Variants in RIT2 observed in about 807,000 individuals in gnomAD.
RIT2 encodes Ras like without CAAX 2.
A neutral mutation model predicts 23.7 loss-of-function variants in RIT2; 24 were observed. That is an observed-to-expected ratio of 1.01 (90% CI 0.73 to 1.43). RIT2 has a LOEUF of 1.43. RIT2 is among the 40% of genes most tolerant of loss of function. The pLI, the probability that RIT2 is intolerant of heterozygous loss-of-function variation, is 0.00. For missense variants in RIT2, 236 were observed against 266.9 expected, an observed-to-expected ratio of 0.88 and a Z score of 0.81; for synonymous variants, 107 against 91.1, an observed-to-expected ratio of 1.17 and a Z score of -0.99.
chr18:42,875,859 C>G (rs1448818257), intron 4 of RIT2, among the ~76,000 whole-genome samples: 1 of 151,928 alleles, frequency 6.6e-6, no homozygotes, highest in Non-Finnish European at 1.5e-5. Context: ...CATTGACTGG[C>G]TCAGCTATTT....
At chr18:43,103,669 A>G (rs1299525777) in intron 1 of RIT2, among the ~76,000 whole-genome samples, 1 of 152,214 alleles carries the variant, frequency 6.6e-6, no homozygotes, top group Non-Finnish European at 1.5e-5. Flanking sequence ...AAAGGAGGAG[A>G]GAGCTTATTT....
chr18:42,778,594 A>G (rs779355279), intron 4 of RIT2, among the ~76,000 whole-genome samples: 4 of 152,152 alleles, frequency 2.6e-5, no homozygotes, highest in Non-Finnish European at 4.4e-5. Flanking sequence ...AAGTCATTCT[A>G]TTGTTCACAG....
chr18:42,940,807 T>G (rs1246749989), intron 3 of RIT2, among the ~76,000 whole-genome samples: 1 of 152,168 alleles, frequency 6.6e-6, no homozygotes, highest in African/African-American at 2.4e-5. Context: ...AGAATCTCAA[T>G]TTAACTCCAC....
chr18:42,919,715 A>G (rs531099849), intron 4 of RIT2, among the ~76,000 whole-genome samples: 1 of 149,396 alleles, frequency 6.7e-6, no homozygotes, highest in East Asian at 2.0e-4. Context: ...CTCCATCTCA[A>G]AAAAAAAAAA....
rs1360773052 is a variant in RIT2 at position 43,056,723 on chromosome 18, T to C, written c.104-22856A>G. Among the ~76,000 whole-genome samples, 4 of 152,258 alleles carry C rather than the reference T, an allele frequency of 2.6e-5. No individual in the cohort carries two copies. In the East Asian group the frequency reaches 5.8e-4, roughly 22 times the overall value. On this transcript the variant is annotated intron_variant, in intron 1 of 4. Coordinates refer to ENST00000326695, the MANE Select transcript of RIT2 (RefSeq NM_002930.4). The stretch of plus-strand genomic sequence containing the variant: ...AGTCTATGGAGACTACAGAGATGTA[T>C]ACTAGGCACTGTACTCCTTTGAGTT...
intron 4 of RIT2, among the ~76,000 whole-genome samples, chr18:42,859,625 T>G (rs1238595997): frequency 6.6e-6 from 1 of 152,214 alleles, no homozygotes; most frequent in Non-Finnish European, 1.5e-5. Context: ...ATCTGTGAGT[T>G]CATTGCTTAA....
At chr18:43,002,672 T>C (rs1298097861) in intron 2 of RIT2, among the ~76,000 whole-genome samples, 1 of 151,920 alleles carries the variant, frequency 6.6e-6, no homozygotes, top group Non-Finnish European at 1.5e-5. Context: ...TGATACATTT[T>C]AATTATTTAT....
At chr18:42,794,338 A>C (rs1051653629) in intron 4 of RIT2, among the ~76,000 whole-genome samples, 2 of 152,182 alleles carry the variant, frequency 1.3e-5, no homozygotes, top group African/African-American at 4.8e-5. Context: ...CAATCATTGG[A>C]ATCTTCATTT....
chr18:43,032,489 T>C (rs532111708), intron 2 of RIT2, among the ~76,000 whole-genome samples: 11 of 152,228 alleles, frequency 7.2e-5, no homozygotes, highest in African/African-American at 2.4e-4. Flanking sequence ...TTTCCAAAGA[T>C]TGTCCCTTTT....
intron 2 of RIT2, among the ~76,000 whole-genome samples, chr18:43,028,271 A>C (rs1911777897): frequency 6.6e-6 from 1 of 152,068 alleles, no homozygotes; most frequent in Admixed American, 6.6e-5. Context: ...GAGGAGATGT[A>C]TGCAAACTGA....
intron 4 of RIT2, among the ~76,000 whole-genome samples, chr18:42,761,146 CAT>C (rs1348893791): frequency 6.6e-6 from 1 of 152,166 alleles, no homozygotes; most frequent in African/African-American, 2.4e-5. Context: ...GTTGTTTTCC[CAT>C]ATGTTTCTTC....
intron 3 of RIT2, among the ~76,000 whole-genome samples, chr18:42,927,973 T>C (rs1909225196): frequency 6.6e-6 from 1 of 152,028 alleles, no homozygotes; most frequent in South Asian, 2.1e-4. Context: ...TGCATTCAAG[T>C]AGCAGTACTA....
intron 1 of RIT2, among the ~76,000 whole-genome samples, chr18:43,114,609 C>T (rs185297299): frequency 1.5e-3 from 234 of 152,176 alleles, no homozygotes; most frequent in African/African-American, 5.4e-3. Flanking sequence ...CTAGTGATAG[C>T]CATAGCTCCG....
intron 2 of RIT2, among the ~76,000 whole-genome samples, chr18:42,992,969 C>T (rs1910890655): frequency 6.6e-6 from 1 of 152,148 alleles, no homozygotes; most frequent in African/African-American, 2.4e-5. Context: ...GTCCTCAAAC[C>T]CCACAACAGG....
At chr18:42,942,982 T>C (rs1427684952) in intron 3 of RIT2, among the ~76,000 whole-genome samples, 2 of 152,086 alleles carry the variant, frequency 1.3e-5, no homozygotes, top group Admixed American at 1.3e-4. Context: ...ACTTCAAGAA[T>C]GGAGCCGCAG....
chr18:43,089,823 T>C (rs1018452730), intron 1 of RIT2, among the ~76,000 whole-genome samples: 17 of 151,864 alleles, frequency 1.1e-4, no homozygotes, highest in Middle Eastern at 6.8e-3. Flanking sequence ...AAGGATTCTG[T>C]ACTCCCTTCA....
chr18:42,796,548 T>C (rs1183101678), intron 4 of RIT2, among the ~76,000 whole-genome samples: 1 of 152,194 alleles, frequency 6.6e-6, no homozygotes, highest in Non-Finnish European at 1.5e-5. Context: ...TCCTATGAGA[T>C]GGACAGACTA....
chr18:42,837,289 T>C (rs148952682), intron 4 of RIT2, among the ~76,000 whole-genome samples: 7,608 of 147,994 alleles, frequency 0.051, 595 homozygotes, highest in East Asian at 0.34. Flanking sequence ...TGCCTCAGCA[T>C]CCAGAGTAGC....
At chr18:42,861,991 G>A (rs907861237) in intron 4 of RIT2, among the ~76,000 whole-genome samples, 1 of 152,180 alleles carries the variant, frequency 6.6e-6, no homozygotes, top group Non-Finnish European at 1.5e-5. Context: ...CTGGATGTTT[G>A]ATATTTAAGC....
Sources: allele counts gnomAD v4.1 joint callset (sites outside exome capture counted in the v4.1 genomes callset), GRCh38; gene constraint gnomAD v4.1.1; transcripts MANE v1.5; gene names NCBI Gene and HGNC (gene_info 2026-07-23, HGNC 2026-07-21).